The following ACSM3 variants were observed in gnomAD, a reference collection of about 807,000 sequenced individuals.
ACSM3 encodes the protein acyl-coenzyme A synthetase ACSM3, mitochondrial.
A neutral mutation model predicts 74.1 loss-of-function variants in ACSM3; 61 were observed. The ratio of observed to expected loss-of-function variants is 0.82; its 90% CI spans 0.67 to 1.02. The LOEUF is 1.02. Among genes scored for constraint, ACSM3 ranks in the 50% least tolerant of loss-of-function variants. The probability of loss-of-function intolerance (pLI) is 0.00; values close to 1 mark genes in which losing one functional copy is unlikely to be tolerated. For missense variants in ACSM3, 660 were observed against 697.0 expected (o/e 0.95, Z 0.60); for synonymous variants, 213 against 241.5 (o/e 0.88, Z 1.09).
At chr16:20,784,893 A>T in intron 7 of ACSM3, 91 bp from the exon 8 acceptor site, 1 of 1,440,346 alleles carries the variant, frequency 6.9e-7, no homozygotes, top group South Asian at 1.3e-5. Context: ...CGACTAAAAC[A>T]TTTTATATTG....
intron 1 of ACSM3, chr16:20,685,157 C>T (rs754991881): frequency 1.2e-6 from 2 of 1,611,068 alleles, no homozygotes; most frequent in East Asian, 4.5e-5. Context: ...TCTAGAACAG[C>T]CCCGAGGTCC....
rs918278565 is a variant in ACSM3, at chr16:20,683,260, G to T, written c.-190+8438G>T. 9.2e-5 allele frequency among the ~76,000 whole-genome samples: 14 copies of T among 152,072 alleles called. No homozygotes were observed. The East Asian group carries it at 2.7e-3, about 29-fold the overall frequency. On this transcript the variant is annotated intron_variant, in intron 1 of 3. Transcript: ENST00000561584. ...AGCCTCTCCAGCAGCTGGGATTAAAGGTGTCCACCACCATGCCCAGCTATT... is the reference window on the plus strand; with the variant it reads ...AGCCTCTCCAGCAGCTGGGATTAAATGTGTCCACCACCATGCCCAGCTATT...
rs758366770 is a variant in ACSM3, at chr16:20,792,096, T to C, written c.1421T>C (p.Val474Ala). 6.2e-7 allele frequency: 1 copy of C among 1,614,202 alleles called. No homozygotes were observed. The highest frequency in any genetic ancestry group is 1.1e-5 in the South Asian group (1 of 91,088). The change falls in exon 11 of 14, where the codon GTT becomes GCT. Residue 474 changes from valine (V) to alanine (A), a missense_variant. Coordinates refer to ENST00000289416, the MANE Select transcript of ACSM3 (RefSeq NM_005622.4). The stretch of plus-strand genomic sequence containing the variant: ...GATAAAGATGGGTATTTCTGGTTTG[T>C]TGCAAGAGCAGATGATGTCATATTA... ...YMDKDGYFWF[V>A]ARADDVILSS...
At chr16:20,761,232 C>T, upstream of ACSM3, among the ~76,000 whole-genome samples, 1 of 152,210 alleles carries the variant, frequency 6.6e-6, no homozygotes, top group Non-Finnish European at 1.5e-5. Flanking sequence ...CCTCAGCCTC[C>T]TCAGCATGTA....
chr16:20,752,334 G>C (rs1006670375), intron 2 of ACSM3, among the ~76,000 whole-genome samples: 14 of 151,958 alleles, frequency 9.2e-5, no homozygotes, highest in Non-Finnish European at 1.6e-4. Flanking sequence ...GTGAGACTCT[G>C]TCTCTCAAAA....
chr16:20,737,173 T>C, intron 1 of ACSM3: 21 of 1,614,222 alleles, frequency 1.3e-5, no homozygotes, highest in Non-Finnish European at 1.8e-5. Context: ...CTAAACAACA[T>C]GTAATCTTTC....
intron 1 of ACSM3, among the ~76,000 whole-genome samples, chr16:20,716,451 G>A (rs1474408665): frequency 1.3e-5 from 2 of 152,084 alleles, no homozygotes; most frequent in African/African-American, 4.8e-5. Context: ...AACTCCTCGT[G>A]GCTTGGATGG....
intron 1 of ACSM3, among the ~76,000 whole-genome samples, chr16:20,684,974 G>A (rs1214070140): frequency 6.6e-6 from 1 of 152,176 alleles, no homozygotes; most frequent in East Asian, 1.9e-4. Flanking sequence ...AGACTGTGAA[G>A]AAGAAAGGAG....
chr16:20,797,465 T>C lies in ACSM3; in HGVS notation c.*493T>C, dbSNP rs1208298883. 1 of 1,065,580 alleles carries C rather than the reference T, an allele frequency of 9.4e-7. No individual in the cohort carries two copies. Among genetic ancestry groups the C allele is most frequent in the African/African-American group, 1.7e-5 (1 of 60,370 alleles). 66.0% of individuals were successfully genotyped at this position (1,065,580 alleles called of 1,614,324 possible). A position where few individuals can be genotyped will look rare whatever the true frequency, so the allele number is the denominator to read the frequency against. On this transcript the variant is annotated 3_prime_UTR_variant, in exon 14 of 14. Transcript: ENST00000289416. ...AGACTAGGGATTTTTATTAGTCACATTTTTTGCAAATAATTTAAAAATAGT... is the reference window on the plus strand; with the variant it reads ...AGACTAGGGATTTTTATTAGTCACACTTTTTGCAAATAATTTAAAAATAGT...
chr16:20,682,705 C>T (rs2079472488), intron 1 of ACSM3, among the ~76,000 whole-genome samples: 1 of 152,160 alleles, frequency 6.6e-6, no homozygotes, highest in African/African-American at 2.4e-5. Context: ...GTAAGCCCTG[C>T]CCTAATCTTT....
At chr16:20,728,838 T>C (rs1175880443) in intron 1 of ACSM3, among the ~76,000 whole-genome samples, 1 of 90,560 alleles carries the variant, frequency 1.1e-5, no homozygotes, top group African/African-American at 3.1e-5. Context: ...CCAGGGACAG[T>C]GGCTCATACT....
At position 20,792,045 on chromosome 16, in the gene ACSM3, A is replaced by T. The variant is rs775053655; in HGVS notation, c.1370A>T (p.Tyr457Phe). 6.2e-7 allele frequency: 1 copy of T among 1,614,162 alleles called. No individual in the cohort carries two copies. The highest frequency in any genetic ancestry group is 1.3e-5 in the African/African-American group (1 of 75,048). The part of the protein sequence containing the change: ...KTASTLRGNF[Y>F]ITGDRGYMDK... ...GCTTCAACTCTACGAGGCAATTTCT[A>T]TATCACTGGGGACAGAGGATATATG... Residue 457 changes from tyrosine to phenylalanine, a missense_variant, in exon 11 of 14, where the codon TAT becomes TTT. By Grantham distance (22) the Tyr-to-Phe change is conservative. Transcript: ENST00000289416.
intron 1 of ACSM3, chr16:20,733,629 GAGTC>G (rs1216698302): frequency 1.3e-5 from 2 of 151,746 alleles, no homozygotes; most frequent in African/African-American, 2.4e-5. Context: ...GATTTACTAA[GAGTC>G]AGAAAGAAAG....
intron 1 of ACSM3, among the ~76,000 whole-genome samples, chr16:20,705,704 T>C (rs1040138687): frequency 2.0e-5 from 3 of 152,058 alleles, no homozygotes; most frequent in Non-Finnish European, 4.4e-5. Flanking sequence ...AATTACTAGA[T>C]ACACAAAGAC....
intron 1 of ACSM3, among the ~76,000 whole-genome samples, chr16:20,702,619 A>G (rs944469306): frequency 6.6e-6 from 1 of 152,314 alleles, no homozygotes; most frequent in South Asian, 2.1e-4. Context: ...CCTATTGAGA[A>G]CTATCTGTTC....
intron 1 of ACSM3, among the ~76,000 whole-genome samples, chr16:20,765,315 A>G (rs766257896): frequency 6.6e-6 from 1 of 152,228 alleles, no homozygotes; most frequent in Non-Finnish European, 1.5e-5. Flanking sequence ...ATGAAAAGGG[A>G]GGAAAAGAAC....
chr16:20,735,604 G>C (rs59478437), intron 1 of ACSM3: 1 of 151,564 alleles, frequency 6.6e-6, no homozygotes, highest in Non-Finnish European at 1.5e-5. Flanking sequence ...GTAGATACCA[G>C]ACCTCTGGTT....
rs577949350 is a variant in ACSM3 at position 20,711,076 on chromosome 16, A to T, written c.-190+36254A>T. Reference sequence around the variant, plus strand: ...ACTCCAGCCTGGGTGACAGACTAAGACTCCCAGACTCTGTCTCAAAAAAAA... The same window carrying T: ...ACTCCAGCCTGGGTGACAGACTAAGTCTCCCAGACTCTGTCTCAAAAAAAA... On this transcript the variant is annotated intron_variant, in intron 1 of 3. Transcript: ENST00000561584. Among the ~76,000 whole-genome samples the T allele has an allele frequency of 1.3e-3, 203 of 150,910 alleles. 1 individual carries two copies. The highest frequency in any genetic ancestry group is 4.8e-3 in the African/African-American group (195 of 41,042).
At chr16:20,762,651 C>G (rs1485520006), upstream of ACSM3, among the ~76,000 whole-genome samples, 1 of 152,068 alleles carries the variant, frequency 6.6e-6, no homozygotes, top group African/African-American at 2.4e-5. Context: ...TATTAACAGG[C>G]TAAAGAAGAA....
Sources: gnomAD v4.1 joint callset for allele counts (sites outside exome capture counted in the v4.1 genomes callset) on GRCh38, gnomAD v4.1.1 for gene constraint, MANE v1.5 for transcripts, NCBI Gene and HGNC (gene_info 2026-07-23, HGNC 2026-07-21) for gene names.